CEP15: variants seen among roughly 807,000 people sequenced by gnomAD.
CEP15 encodes the protein centrosomal protein 15, also known as centrosomal protein 15 kDa.
At chr3:62,332,681 G>A in the CEP15 span, among the ~76,000 whole-genome samples, 6 of 151,974 alleles carry the variant, frequency 3.9e-5, no homozygotes, top group Non-Finnish European at 7.4e-5. Flanking sequence ...TTGACATTTT[G>A]TCATCACAAA....
the CEP15 span, chr3:62,333,363 A>G: frequency 6.2e-7 from 1 of 1,611,218 alleles, no homozygotes; most frequent in Non-Finnish European, 8.5e-7. The surrounding 1 kb of genome is among the most constrained non-coding windows in gnomAD (Gnocchi z 4.0). Flanking sequence ...AGCAGAAAAT[A>G]CCATTCAAAA....
At chr3:62,326,135 C>T in the CEP15 span, among the ~76,000 whole-genome samples, 1 of 151,938 alleles carries the variant, frequency 6.6e-6, no homozygotes, top group Non-Finnish European at 1.5e-5. Context: ...GTGCTGCAGC[C>T]GGTGAGAGAA....
the CEP15 span, among the ~76,000 whole-genome samples, chr3:62,329,513 A>G: frequency 6.6e-6 from 1 of 152,242 alleles, no homozygotes; most frequent in Middle Eastern, 3.2e-3. Flanking sequence ...GAAGAAAGGT[A>G]GTAATCAGAG....
At chr3:62,333,910 A>G in the CEP15 span, 1 of 152,218 alleles carries the variant, frequency 6.6e-6, no homozygotes, top group Non-Finnish European at 1.5e-5. The surrounding 1 kb of genome is among the most constrained non-coding windows in gnomAD (Gnocchi z 4.0). Context: ...TCCCTCACAG[A>G]TAGCCAAAGC....
At chr3:62,329,156 A>G in the CEP15 span, among the ~76,000 whole-genome samples, 1 of 152,310 alleles carries the variant, frequency 6.6e-6, no homozygotes, top group South Asian at 2.1e-4. Flanking sequence ...TGAAATGGAA[A>G]GGCTAGGAGA....
At chr3:62,327,234 A>T in the CEP15 span, among the ~76,000 whole-genome samples, 1 of 152,230 alleles carries the variant, frequency 6.6e-6, no homozygotes, top group Non-Finnish European at 1.5e-5. Context: ...TGTCCAACAG[A>T]AATATAATGT....
At chr3:62,327,255 G>A in the CEP15 span, among the ~76,000 whole-genome samples, 1 of 152,220 alleles carries the variant, frequency 6.6e-6, no homozygotes, top group Non-Finnish European at 1.5e-5. Context: ...GAGCACATAT[G>A]TAATTAAAAT....
chr3:62,320,605 TA>T, the CEP15 span: 4 of 1,060,382 alleles, frequency 3.8e-6, no homozygotes, highest in Admixed American at 9.5e-5. Context: ...CAGGATGACT[TA>T]AAAATTTGCA....
At chr3:62,335,691 C>T in the CEP15 span, 1 of 152,162 alleles carries the variant, frequency 6.6e-6, no homozygotes, top group Non-Finnish European at 1.5e-5. Context: ...TTTCCATATG[C>T]TCCATTGTAC....
the CEP15 span, among the ~76,000 whole-genome samples, chr3:62,328,003 A>G: frequency 1.3e-5 from 2 of 152,014 alleles, no homozygotes; most frequent in Non-Finnish European, 2.9e-5. Flanking sequence ...TTTCTTTATG[A>G]TGTGATAAGT....
chr3:62,328,835 A>C, the CEP15 span, among the ~76,000 whole-genome samples: 1 of 152,246 alleles, frequency 6.6e-6, no homozygotes, highest in African/African-American at 2.4e-5. Flanking sequence ...AATCAAAGGA[A>C]AGGTTCTTAT....
the CEP15 span, chr3:62,333,310 T>C: frequency 6.2e-7 from 1 of 1,611,846 alleles, no homozygotes; most frequent in South Asian, 1.1e-5. The surrounding 1 kb of genome is among the most constrained non-coding windows in gnomAD (Gnocchi z 4.0). Context: ...CAGTTTCTTT[T>C]AGGAAGAGCA....
the CEP15 span, among the ~76,000 whole-genome samples, chr3:62,324,521 CTTCT>C: frequency 2.0e-4 from 30 of 152,252 alleles, no homozygotes; most frequent in East Asian, 5.2e-3. Flanking sequence ...AGCACTAAAA[CTTCT>C]TTCATGTTAA....
the CEP15 span, among the ~76,000 whole-genome samples, chr3:62,332,659 G>C: frequency 6.6e-6 from 1 of 152,010 alleles, no homozygotes. Flanking sequence ...TATTAAAAAT[G>C]GTTAAATTAT....
At chr3:62,333,690 T>C in the CEP15 span, 1 of 198,432 alleles carries the variant, frequency 5.0e-6, no homozygotes, top group African/African-American at 2.4e-5. The surrounding 1 kb of genome is among the most constrained non-coding windows in gnomAD (Gnocchi z 4.0). Flanking sequence ...AAAAAAAAAA[T>C]TTACAATCAT....
At chr3:62,322,550 G>A in the CEP15 span, 1 of 155,420 alleles carries the variant, frequency 6.4e-6, no homozygotes, top group Admixed American at 6.5e-5. The surrounding 1 kb of genome is among the most constrained non-coding windows in gnomAD (Gnocchi z 5.5). Flanking sequence ...GGATATGGAG[G>A]AGTGGTCAAA....
chr3:62,333,535 G>A, the CEP15 span: 11 of 911,750 alleles, frequency 1.2e-5, no homozygotes, highest in Admixed American at 3.2e-5. This position sits in a 1 kb window ranked among gnomAD's most constrained non-coding sequence, Gnocchi z 4.0. Context: ...GAATTTACTG[G>A]CAAGTCACAT....
the CEP15 span, among the ~76,000 whole-genome samples, chr3:62,330,330 T>C: frequency 6.6e-6 from 1 of 152,158 alleles, no homozygotes; most frequent in South Asian, 2.1e-4. Flanking sequence ...GAACTTTCTC[T>C]TTTCTATCAA....
the CEP15 span, among the ~76,000 whole-genome samples, chr3:62,320,832 G>C: frequency 6.6e-6 from 1 of 152,032 alleles, no homozygotes; most frequent in Admixed American, 6.6e-5. Flanking sequence ...TGGCTTCTTG[G>C]GTATGTGACT....
Sources: gnomAD v4.1 joint callset for allele counts (sites outside exome capture counted in the v4.1 genomes callset) on GRCh38, gnomAD v4.1.1 for gene constraint, Gnocchi (gnomAD v3.1) non-coding constraint, MANE v1.5 for transcripts, NCBI Gene and HGNC (gene_info 2026-07-23, HGNC 2026-07-21) for gene names.